The following CALN1 variants were observed in gnomAD, a reference collection of about 807,000 sequenced individuals.
CALN1 encodes the protein calcium-binding protein 8.
In CALN1, 17 loss-of-function variants were observed where a neutral mutation model predicts 30.6. The ratio of observed to expected loss-of-function variants is 0.56; its 90% CI spans 0.38 to 0.83. The LOEUF is 0.83. Ranked by LOEUF, CALN1 falls within the 40% of genes least tolerant of loss-of-function variation. CALN1 has a pLI of 0.00. For missense variants in CALN1, 291 were observed against 354.9 expected (o/e 0.82, Z 1.45); for synonymous variants, 156 against 131.4 (o/e 1.19, Z -1.28).
chr7:72,278,240 C>G (rs1445199850), intron 3 of CALN1, among the ~76,000 whole-genome samples: 1 of 152,112 alleles, frequency 6.6e-6, no homozygotes, highest in African/African-American at 2.4e-5. Flanking sequence ...CTGATCTGAA[C>G]AGGATTCAAA....
At chr7:72,150,028 G>A (rs1335955519) in intron 3 of CALN1, among the ~76,000 whole-genome samples, 1 of 151,852 alleles carries the variant, frequency 6.6e-6, no homozygotes, top group Non-Finnish European at 1.5e-5. Flanking sequence ...GAGGCTGAGG[G>A]CAGGAGAATC....
chr7:72,035,876 A>C (rs1236704083), intron 4 of CALN1, among the ~76,000 whole-genome samples: 1 of 152,216 alleles, frequency 6.6e-6, no homozygotes, highest in Non-Finnish European at 1.5e-5. Flanking sequence ...TAGAGTTACA[A>C]ACCAATGTTA....
chr7:71,971,688 G>C (rs554602953), intron 5 of CALN1, among the ~76,000 whole-genome samples: 3 of 151,062 alleles, frequency 2.0e-5, no homozygotes, highest in African/African-American at 7.3e-5. Context: ...ACTTGAGCCT[G>C]GGACTTTGAG....
At chr7:71,820,663 A>G (rs912508898) in intron 5 of CALN1, among the ~76,000 whole-genome samples, 3 of 152,214 alleles carry the variant, frequency 2.0e-5, no homozygotes, top group Non-Finnish European at 4.4e-5. Context: ...GCTGAATCAT[A>G]CGGTAATTCT....
Position 72,261,220 on chromosome 7 carries a change from A to C in CALN1, c.244+17466T>G, listed in dbSNP as rs1342420846. 2.0e-5 allele frequency among the ~76,000 whole-genome samples: 3 copies of C among 152,114 alleles called. No individual in the cohort carries two copies. The East Asian group carries it at 5.8e-4, about 29-fold the overall frequency. On this transcript the variant is annotated intron_variant, in intron 3 of 6. Coordinates refer to ENST00000395275, the MANE Select transcript of CALN1 (RefSeq NM_031468.4). Reference sequence around the variant, plus strand: ...CTACTCGGGAGGCTGAGGCAGGAGAATTGCTTGAACCTGGGAGGCAGAGGT... The same window carrying C: ...CTACTCGGGAGGCTGAGGCAGGAGACTTGCTTGAACCTGGGAGGCAGAGGT...
chr7:71,845,799 A>G (rs1202732900), intron 5 of CALN1, among the ~76,000 whole-genome samples: 1 of 152,112 alleles, frequency 6.6e-6, no homozygotes, highest in African/African-American at 2.4e-5. Flanking sequence ...TCATGCCTGT[A>G]TCCCAGCACT....
intron 2 of CALN1, among the ~76,000 whole-genome samples, chr7:72,286,331 A>C (rs12699131): frequency 1.3e-5 from 2 of 151,910 alleles, no homozygotes; most frequent in Non-Finnish European, 2.9e-5. Context: ...CTCATGGATC[A>C]TAACTCCCAG....
chr7:72,333,287 T>G (rs903585935), intron 2 of CALN1, among the ~76,000 whole-genome samples: 8 of 152,258 alleles, frequency 5.3e-5, no homozygotes, highest in Non-Finnish European at 1.0e-4. Context: ...TCTGTGAATT[T>G]TTTGATGACA....
intron 3 of CALN1, among the ~76,000 whole-genome samples, chr7:72,274,960 T>C (rs531986106): frequency 1.4e-4 from 22 of 152,280 alleles, no homozygotes; most frequent in Middle Eastern, 6.8e-3. Context: ...GAAAATGACC[T>C]GCGTGGCAAG....
At chr7:71,940,528 T>G (rs1337222682) in intron 5 of CALN1, among the ~76,000 whole-genome samples, 1 of 152,220 alleles carries the variant, frequency 6.6e-6, no homozygotes, top group East Asian at 1.9e-4. Flanking sequence ...TTAGTTGTCT[T>G]GTTTACTTTC....
chr7:72,111,607 A>G (rs576482799), intron 3 of CALN1, among the ~76,000 whole-genome samples: 19 of 151,740 alleles, frequency 1.3e-4, no homozygotes, highest in Admixed American at 1.2e-3. Flanking sequence ...ATGCTCGACT[A>G]ATTTTTTATT....
the CALN1 span, among the ~76,000 whole-genome samples, chr7:72,498,751 A>G: frequency 1.3e-5 from 2 of 152,184 alleles, no homozygotes; most frequent in East Asian, 3.8e-4. Context: ...TTAATAGTTG[A>G]TGGATTCATG....
intron 3 of CALN1, among the ~76,000 whole-genome samples, chr7:72,181,130 G>T (rs1585106814): frequency 8.0e-6 from 1 of 124,730 alleles, no homozygotes; most frequent in Non-Finnish European, 1.6e-5. Flanking sequence ...AAAAATTTTT[G>T]GTACCCTATA....
chr7:72,332,538 T>A (rs1042594145), intron 2 of CALN1, among the ~76,000 whole-genome samples: 27 of 151,906 alleles, frequency 1.8e-4, no homozygotes, highest in Non-Finnish European at 2.9e-4. Flanking sequence ...GAGTCCCACC[T>A]CCTACCTCAA....
At chr7:71,973,628 T>A (rs946403554) in intron 5 of CALN1, among the ~76,000 whole-genome samples, 1 of 152,140 alleles carries the variant, frequency 6.6e-6, no homozygotes, top group Admixed American at 6.5e-5. Context: ...ATGAGGCTTT[T>A]AAAACCAGAG....
intron 2 of CALN1, among the ~76,000 whole-genome samples, chr7:72,395,500 T>C (rs1042043038): frequency 6.6e-6 from 1 of 152,222 alleles, no homozygotes; most frequent in Non-Finnish European, 1.5e-5. Context: ...AAGAGGCAGA[T>C]ACAGTATGGA....
chr7:72,059,913 C>T (rs183972783), intron 4 of CALN1, among the ~76,000 whole-genome samples: 1 of 152,214 alleles, frequency 6.6e-6, no homozygotes, highest in East Asian at 1.9e-4. Flanking sequence ...ACGCATGGAA[C>T]AGCTATTTGG....
chr7:72,048,454 G>A (rs1211568737), intron 4 of CALN1, among the ~76,000 whole-genome samples: 1 of 152,094 alleles, frequency 6.6e-6, no homozygotes, highest in East Asian at 1.9e-4. Context: ...AACAGGGAAG[G>A]GGTAGGACAC....
chr7:71,788,509 A>G (rs1445949326), intron 6 of CALN1, among the ~76,000 whole-genome samples: 1 of 105,128 alleles, frequency 9.5e-6, no homozygotes, highest in Non-Finnish European at 1.9e-5. Context: ...TTTTTTTTTT[A>G]GAGAAAGTGT....
Sources: gnomAD v4.1 joint callset for allele counts (sites outside exome capture counted in the v4.1 genomes callset) on GRCh38, gnomAD v4.1.1 for gene constraint, MANE v1.5 for transcripts, NCBI Gene and HGNC (gene_info 2026-07-23, HGNC 2026-07-21) for gene names.